KSR1: variants seen among roughly 807,000 people sequenced by gnomAD.
The protein encoded by KSR1 is kinase suppressor of ras.
A neutral mutation model predicts 92.9 loss-of-function variants in KSR1; 35 were observed. The observed-to-expected ratio is 0.38, with a 90% confidence interval of 0.29 to 0.50. The LOEUF (loss-of-function observed/expected upper bound fraction) is 0.50. KSR1 is among the 20% of genes least tolerant of loss of function. KSR1 has a pLI of 0.94. For missense variants in KSR1, 972 were observed against 1,158.5 expected, an observed-to-expected ratio of 0.84 and a Z score of 2.34; for synonymous variants, 467 against 472.6, an observed-to-expected ratio of 0.99 and a Z score of 0.15.
intron 1 of KSR1, among the ~76,000 whole-genome samples, chr17:27,541,306 C>T (rs377555577): frequency 6.6e-6 from 1 of 152,214 alleles, no homozygotes; most frequent in African/African-American, 2.4e-5. Context: ...CCAGTTACTT[C>T]GTGTCACTCT....
At chr17:27,570,400 T>C (rs73274015) in intron 2 of KSR1, among the ~76,000 whole-genome samples, 3,119 of 152,290 alleles carry the variant, frequency 0.02, 120 homozygotes, top group African/African-American at 0.071. Context: ...CTGTGGTTCA[T>C]CTGACAGTGC....
Position 27,619,928 on chromosome 17 carries a change from G to A in KSR1, c.2628-1265G>A, listed in dbSNP as rs558622390. On this transcript the variant is annotated intron_variant, in intron 19 of 20. Transcript: ENST00000644974. ...GGGGTTTCATCATGTTGGCCAGGGT[G>A]GTCTCAAACTCCAAACGCCTTGGCC... Among the ~76,000 whole-genome samples the A allele has an allele frequency of 1.3e-3, 202 of 152,252 alleles. 1 individual carries two copies. The highest frequency in any genetic ancestry group is 2.1e-3 in the Non-Finnish European group (144 of 68,018).
At position 27,623,376 on chromosome 17, in the gene KSR1, G is replaced by A; in HGVS notation, c.2771G>A (p.Ser924Asn). 1 of 764,964 alleles carries A rather than the reference G, an allele frequency of 1.3e-6. No homozygotes were observed. The highest frequency in any genetic ancestry group is 2.4e-6 in the Non-Finnish European group (1 of 417,774). The allele number at this position is 764,964 out of a possible 1,614,324, so 47.4% of individuals were successfully genotyped here. The change falls in exon 21 of 21, where the codon AGT (serine) becomes AAT (asparagine). Residue 924 changes from serine (S) to asparagine (N), a missense_variant. Coordinates refer to ENST00000644974, the MANE Select transcript of KSR1 (RefSeq NM_001394583.1). Reference sequence around the variant, plus strand: ...TTTGGCTTGGGCGTCCTGGAGTCCAGTAATCCAAAGATGTAGCCAGCCATA... The same window carrying A: ...TTTGGCTTGGGCGTCCTGGAGTCCAATAATCCAAAGATGTAGCCAGCCATA... ...ERFGLGVLES[S>N]NPKM
chr17:27,556,386 T>C (rs776768124), intron 2 of KSR1, among the ~76,000 whole-genome samples: 29 of 152,028 alleles, frequency 1.9e-4, no homozygotes, highest in Non-Finnish European at 3.5e-4. Context: ...TGGCTATATA[T>C]ATATTTTAAT....
chr17:27,618,208 T>C (rs942410578), intron 19 of KSR1, among the ~76,000 whole-genome samples: 4 of 151,170 alleles, frequency 2.6e-5, no homozygotes, highest in Admixed American at 6.6e-5. Context: ...GTTTAGAAGC[T>C]CTCTCCCTCC....
At chr17:27,506,106 C>G (rs899213705) in intron 1 of KSR1, among the ~76,000 whole-genome samples, 1 of 152,226 alleles carries the variant, frequency 6.6e-6, no homozygotes, top group Non-Finnish European at 1.5e-5. Flanking sequence ...TATGCTCCCT[C>G]TTTGTCCTTG....
At chr17:27,578,958 C>T (rs141243024) in intron 3 of KSR1, 1 of 152,316 alleles carries the variant, frequency 6.6e-6, no homozygotes, top group Admixed American at 6.5e-5. Context: ...GGGCCCCACA[C>T]CTGGCATGGA....
intron 1 of KSR1, among the ~76,000 whole-genome samples, chr17:27,537,307 G>A (rs1007109348): frequency 1.3e-5 from 2 of 152,172 alleles, no homozygotes; most frequent in African/African-American, 2.4e-5. Context: ...GTACTCTAAG[G>A]TACTGCATGT....
At chr17:27,609,365 T>C in intron 16 of KSR1, 36 bp downstream of exon 16, 1 of 1,611,298 alleles carries the variant, frequency 6.2e-7, no homozygotes, top group Non-Finnish European at 8.5e-7. Flanking sequence ...GGGTTGTGGG[T>C]GCTGGATGGG....
At chr17:27,516,810 G>A (rs148159356) in intron 1 of KSR1, among the ~76,000 whole-genome samples, 26 of 152,208 alleles carry the variant, frequency 1.7e-4, no homozygotes, top group African/African-American at 5.8e-4. Flanking sequence ...CTGAGAACAT[G>A]TGCCCAAGGT....
intron 1 of KSR1, among the ~76,000 whole-genome samples, chr17:27,536,016 C>A (rs1262342366): frequency 6.6e-6 from 1 of 152,218 alleles, no homozygotes; most frequent in African/African-American, 2.4e-5. Context: ...TCTGTCTGAC[C>A]CACCTCCACG....
chr17:27,520,433 C>T (rs1311284353), intron 1 of KSR1, among the ~76,000 whole-genome samples: 1 of 152,144 alleles, frequency 6.6e-6, no homozygotes, highest in East Asian at 1.9e-4. Context: ...GACTTTAACT[C>T]TGGAAAGCTT....
intron 10 of KSR1, among the ~76,000 whole-genome samples, chr17:27,598,599 C>T (rs1445915706): frequency 2.0e-5 from 3 of 152,224 alleles, no homozygotes; most frequent in Non-Finnish European, 4.4e-5. Flanking sequence ...TGATTAACCT[C>T]CTCTCCCATT....
chr17:27,547,719 T>C (rs928954659), intron 1 of KSR1, among the ~76,000 whole-genome samples: 1 of 152,166 alleles, frequency 6.6e-6, no homozygotes, highest in African/African-American at 2.4e-5. Flanking sequence ...TATTTTTCTT[T>C]TTTTTCTTTT....
At chr17:27,615,658 C>T (rs1438448763) in intron 18 of KSR1, among the ~76,000 whole-genome samples, 3 of 152,204 alleles carry the variant, frequency 2.0e-5, no homozygotes, top group African/African-American at 7.2e-5. Flanking sequence ...GGATATTAGG[C>T]CTGCTGCACA....
intron 1 of KSR1, among the ~76,000 whole-genome samples, chr17:27,488,807 C>T (rs1215284318): frequency 1.3e-5 from 2 of 152,106 alleles, no homozygotes; most frequent in East Asian, 3.9e-4. Context: ...CTACTAAAAA[C>T]ATAAAAATTA....
intron 2 of KSR1, among the ~76,000 whole-genome samples, chr17:27,557,102 G>T (rs982435325): frequency 6.6e-6 from 1 of 152,170 alleles, no homozygotes; most frequent in African/African-American, 2.4e-5. Flanking sequence ...AACCCAACAA[G>T]ATCTCCAGAA....
In KSR1 at chr17:27,601,282, G is replaced by T. The variant is rs946380572; in HGVS notation, c.1469-78G>T. ...CCAGTAACAAGTCCCTGCCTCCCAA[G>T]CCGGTACCTGCAATTCCGCTCCTCC... On this transcript the variant is annotated intron_variant, in intron 10 of 20. Transcript: ENST00000644974. 1.3e-5 allele frequency: 17 copies of T among 1,294,734 alleles called. No individual in the cohort carries two copies. In the Admixed American group the frequency reaches 1.9e-4, roughly 14 times the overall value. 80.2% of individuals were successfully genotyped at this position (1,294,734 alleles called of 1,614,324 possible).
intron 1 of KSR1, among the ~76,000 whole-genome samples, chr17:27,544,468 A>G (rs2071087737): frequency 6.6e-6 from 1 of 152,238 alleles, no homozygotes. Context: ...GGCCCCAGAT[A>G]CTTAGTGAGC....
Sources: gnomAD v4.1 joint callset for allele counts (sites outside exome capture counted in the v4.1 genomes callset) on GRCh38, gnomAD v4.1.1 for gene constraint, MANE v1.5 for transcripts, NCBI Gene and HGNC (gene_info 2026-07-23, HGNC 2026-07-21) for gene names.